SMYD2: variants seen among roughly 807,000 people sequenced by gnomAD.
SMYD2 encodes the protein SET and MYND domain containing 2, also known as N-lysine methyltransferase SMYD2.
In SMYD2, 53 loss-of-function variants were observed where a neutral mutation model predicts 59.1. That is an observed-to-expected ratio of 0.90 (90% CI 0.72 to 1.13). The LOEUF (loss-of-function observed/expected upper bound fraction) is 1.13, where lower values mean the gene tolerates loss of function less well. SMYD2 is among the 50% of genes most tolerant of loss of function. The probability of loss-of-function intolerance (pLI) is 0.00; values close to 1 mark genes in which losing one functional copy is unlikely to be tolerated. For synonymous variants in SMYD2, 208 were observed against 198.8 expected (o/e 1.05, Z -0.39); for missense variants, 494 against 544.7 (o/e 0.91, Z 0.93).
At chr1:214,328,905 C>T (rs917622387) in intron 7 of SMYD2, among the ~76,000 whole-genome samples, 18 of 152,228 alleles carry the variant, frequency 1.2e-4, no homozygotes, top group African/African-American at 4.3e-4. Flanking sequence ...AATGCAGTCA[C>T]CCAGGCTCCA....
At chr1:214,311,819 C>T (rs1320686288) in intron 2 of SMYD2, among the ~76,000 whole-genome samples, 1 of 152,184 alleles carries the variant, frequency 6.6e-6, no homozygotes, top group African/African-American at 2.4e-5. Flanking sequence ...CAGAAAACAA[C>T]AGCTTGCAGG....
At chr1:214,313,126 T>G (rs1657024763) in intron 2 of SMYD2, among the ~76,000 whole-genome samples, 1 of 152,078 alleles carries the variant, frequency 6.6e-6, no homozygotes, top group Admixed American at 6.5e-5. Context: ...AGCATTTATT[T>G]TTATTTTTGA....
intron 1 of SMYD2, among the ~76,000 whole-genome samples, chr1:214,295,691 G>A (rs766193717): frequency 3.4e-4 from 51 of 152,226 alleles, no homozygotes; most frequent in Admixed American, 2.0e-4. Flanking sequence ...GAAGCCCCCC[G>A]CTGCACGTGG....
intron 2 of SMYD2, among the ~76,000 whole-genome samples, chr1:214,306,571 G>C (rs1457206179): frequency 6.6e-6 from 1 of 152,164 alleles, no homozygotes; most frequent in Admixed American, 6.5e-5. Flanking sequence ...TTGAGTTTTC[G>C]GGGAGGGTGC....
chr1:214,296,328 C>G (rs1656726920), intron 1 of SMYD2, among the ~76,000 whole-genome samples: 1 of 152,228 alleles, frequency 6.6e-6, no homozygotes, highest in Admixed American at 6.5e-5. Context: ...CTTCTAAGTT[C>G]TGTTCCAGTC....
chr1:214,334,180 TGTCTC>T lies in SMYD2; in HGVS notation c.1113-19_1113-15del. 1 of 1,608,890 alleles carries T rather than the reference TGTCTC, an allele frequency of 6.2e-7. No homozygotes were observed. Among genetic ancestry groups the T allele is most frequent in the Non-Finnish European group, 8.5e-7 (1 of 1,175,932 alleles). On this transcript the variant is annotated splice_polypyrimidine_tract_variant and intron_variant, in intron 10 of 11. Coordinates refer to ENST00000366957, the MANE Select transcript of SMYD2 (RefSeq NM_020197.3). ...AGTAGCCGCTGACATGGTGGCCTGT[TGTCTC>T]TTCTCTTGTTCTAGTAAGCACTATC...
intron 1 of SMYD2, among the ~76,000 whole-genome samples, chr1:214,301,072 T>C (rs1013015514): frequency 6.6e-6 from 1 of 152,220 alleles, no homozygotes; most frequent in Non-Finnish European, 1.5e-5. Context: ...AACAAAAGAA[T>C]TACTGAGAAT....
intron 1 of SMYD2, among the ~76,000 whole-genome samples, chr1:214,288,540 G>T (rs1458964069): frequency 6.6e-6 from 1 of 152,124 alleles, no homozygotes; most frequent in Non-Finnish European, 1.5e-5. Context: ...CCTGGAGACT[G>T]GGGGCTTAAT....
chr1:214,334,799 C>G (rs1657410970), intron 11 of SMYD2, among the ~76,000 whole-genome samples: 1 of 152,192 alleles, frequency 6.6e-6, no homozygotes, highest in African/African-American at 2.4e-5. Context: ...AACCGAGAGG[C>G]TTTCCTGATG....
At chr1:214,329,915 CTCTT>C (rs909765775) in intron 7 of SMYD2, among the ~76,000 whole-genome samples, 2 of 152,252 alleles carry the variant, frequency 1.3e-5, no homozygotes, top group African/African-American at 2.4e-5. Context: ...ATTCTACAGA[CTCTT>C]TCCACTAACC....
chr1:214,332,315 C>T, intron 10 of SMYD2, 123 bp downstream of exon 10: 3 of 1,148,200 alleles, frequency 2.6e-6, no homozygotes, highest in South Asian at 3.1e-5. Flanking sequence ...CTTCTCTGCA[C>T]CCACATCTGG....
rs903780467 is a variant in SMYD2, at chr1:214,312,210, G to A, written c.238-2552G>A. On this transcript the variant is annotated intron_variant, in intron 2 of 11. Coordinates refer to ENST00000366957, the MANE Select transcript of SMYD2 (RefSeq NM_020197.3). The surrounding 1 kb of genome is among the most constrained non-coding windows in gnomAD (Gnocchi z 4.1). ...ATCTTGGCCCAGAACTTGAGCTAAG[G>A]GGCTGCACCATAGACTGCATTAAAT... 1.3e-5 allele frequency among the ~76,000 whole-genome samples: 2 copies of A among 152,118 alleles called. No homozygotes were observed. Among genetic ancestry groups the A allele is most frequent in the Non-Finnish European group, 2.9e-5 (2 of 68,024 alleles).
chr1:214,309,111 T>C (rs1035602086), intron 2 of SMYD2, among the ~76,000 whole-genome samples: 2 of 152,222 alleles, frequency 1.3e-5, no homozygotes, highest in Non-Finnish European at 2.9e-5. Context: ...CTGTCTGCAG[T>C]GCTTTCGGAT....
At chr1:214,324,181 C>T (rs542937245) in intron 5 of SMYD2, among the ~76,000 whole-genome samples, 10 of 152,196 alleles carry the variant, frequency 6.6e-5, no homozygotes, top group Non-Finnish European at 1.0e-4. Context: ...AGGTGATCTG[C>T]CCGCCTCAGC....
chr1:214,310,699 C>T (rs574653275), intron 2 of SMYD2, among the ~76,000 whole-genome samples: 15 of 152,148 alleles, frequency 9.9e-5, no homozygotes, highest in Non-Finnish European at 1.6e-4. Flanking sequence ...TTCAAAAATA[C>T]GGTAATTTAT....
At chr1:214,303,874 C>T (rs938108138) in intron 1 of SMYD2, among the ~76,000 whole-genome samples, 3 of 152,242 alleles carry the variant, frequency 2.0e-5, no homozygotes, top group Admixed American at 6.5e-5. Context: ...GCAGTGTAGC[C>T]GCTTCGTGCT....
chr1:214,329,798 G>A (rs1184871239), intron 7 of SMYD2, among the ~76,000 whole-genome samples: 3 of 152,214 alleles, frequency 2.0e-5, no homozygotes, highest in African/African-American at 4.8e-5. Context: ...AAGCATTTGC[G>A]CCGTCTCAGG....
chr1:214,295,469 T>C (rs772746954), intron 1 of SMYD2, among the ~76,000 whole-genome samples: 2 of 152,226 alleles, frequency 1.3e-5, no homozygotes, highest in African/African-American at 2.4e-5. Context: ...ATCTGTGTTA[T>C]TTTATAACTA....
chr1:214,303,525 T>G (rs1034317425), intron 1 of SMYD2, among the ~76,000 whole-genome samples: 2 of 152,242 alleles, frequency 1.3e-5, no homozygotes, highest in Non-Finnish European at 1.5e-5. Context: ...TTTGAACTAT[T>G]GAGGTCTGCA....
Sources: allele counts gnomAD v4.1 joint callset (sites outside exome capture counted in the v4.1 genomes callset), GRCh38; gene constraint gnomAD v4.1.1; non-coding constraint Gnocchi (gnomAD v3.1); transcripts MANE v1.5; gene names NCBI Gene and HGNC (gene_info 2026-07-23, HGNC 2026-07-21).